The following POLD3 variants were observed in gnomAD, a reference collection of about 807,000 sequenced individuals.
The protein encoded by POLD3 is DNA polymerase delta subunit 3.
A neutral mutation model predicts 58.2 loss-of-function variants in POLD3; 19 were observed. That is an observed-to-expected ratio of 0.33 (90% CI 0.23 to 0.48). The LOEUF is 0.48. POLD3 is among the 20% of genes least tolerant of loss of function. The probability of loss-of-function intolerance (pLI) is 0.99; values close to 1 mark genes in which losing one functional copy is unlikely to be tolerated. For synonymous variants in POLD3, 172 were observed against 193.5 expected, an observed-to-expected ratio of 0.89 and a Z score of 0.92; for missense variants, 504 against 545.5, an observed-to-expected ratio of 0.92 and a Z score of 0.76.
intron 4 of POLD3, among the ~76,000 whole-genome samples, chr11:74,650,650 ACTGT>A (rs2033057372): frequency 6.6e-6 from 1 of 152,186 alleles, no homozygotes; most frequent in Non-Finnish European, 1.5e-5. Flanking sequence ...CCTCCTGAGC[ACTGT>A]CCCCTTGTGG....
chr11:74,650,993 C>T (rs748587152), intron 4 of POLD3, among the ~76,000 whole-genome samples: 4 of 152,160 alleles, frequency 2.6e-5, no homozygotes, highest in Non-Finnish European at 5.9e-5. Flanking sequence ...AAGAGCCCTG[C>T]ACTTGGACGC....
At chr11:74,655,643 A>C (rs994433150) in intron 4 of POLD3, among the ~76,000 whole-genome samples, 4 of 148,576 alleles carry the variant, frequency 2.7e-5, no homozygotes. Flanking sequence ...ACAAAATTCA[A>C]CACCTATATT....
intron 7 of POLD3, among the ~76,000 whole-genome samples, chr11:74,624,653 C>T (rs1041565876): frequency 6.6e-6 from 1 of 152,192 alleles, no homozygotes; most frequent in Admixed American, 6.5e-5. Flanking sequence ...TCTATAGTTC[C>T]TCAGATGGCT....
intron 2 of POLD3, among the ~76,000 whole-genome samples, chr11:74,594,559 T>A (rs900714626): frequency 3.3e-5 from 5 of 152,254 alleles, no homozygotes; most frequent in Non-Finnish European, 7.3e-5. Context: ...TTTCCATATT[T>A]TGACTGCTAT....
At chr11:74,609,364 A>ATTTTT (rs2031813407) in intron 3 of POLD3, among the ~76,000 whole-genome samples, 1 of 43,182 alleles carries the variant, frequency 2.3e-5, no homozygotes, top group African/African-American at 1.7e-4. Flanking sequence ...ATATATATAT[A>ATTTTT]TATATATATT....
At chr11:74,601,826 G>A (rs1298395268) in intron 2 of POLD3, among the ~76,000 whole-genome samples, 1 of 152,058 alleles carries the variant, frequency 6.6e-6, no homozygotes, top group East Asian at 1.9e-4. Flanking sequence ...GTTGGGGAAG[G>A]GTTCATACTT....
chr11:74,618,751 A>G lies in POLD3; in HGVS notation c.607A>G (p.Lys203Glu). ...AATGTTTGCCTCCAAAGCTGCTGCTAAAACCCAAGAAACCAACAAGGAAAC... is the reference window on the plus strand; with the variant it reads ...AATGTTTGCCTCCAAAGCTGCTGCTGAAACCCAAGAAACCAACAAGGAAAC... Reference protein sequence around the residue: ...MGMFASKAAAKTQETNKETKT... With the variant: ...MGMFASKAAAETQETNKETKT... Residue 203 changes from lysine (K) to glutamate (E), a missense_variant, in exon 6 of 12, where the codon AAA (lysine) becomes GAA (glutamate). Physicochemically the swap from Lys to Glu is moderately conservative, Grantham distance 56 (BLOSUM62 1). Coordinates refer to ENST00000263681, the MANE Select transcript of POLD3 (RefSeq NM_006591.3). 6.2e-7 allele frequency: 1 copy of G among 1,614,134 alleles called. No individual in the cohort carries two copies. Among genetic ancestry groups the G allele is most frequent in the East Asian group, 2.2e-5 (1 of 44,892 alleles).
rs1312890036 is a variant in POLD3, at chr11:74,642,148, A to C, written c.*1382A>C. The C allele has an allele frequency of 1.0e-6, 1 of 985,322 alleles. No individual in the cohort carries two copies. The highest frequency in any genetic ancestry group is 1.7e-5 in the African/African-American group (1 of 57,228). The allele number at this position is 985,322 out of a possible 1,614,324, so 61.0% of individuals were successfully genotyped here. On this transcript the variant is annotated 3_prime_UTR_variant, in exon 12 of 12. Transcript: ENST00000263681. ...GATGCAATCAGCTGTCTGCTTTTTA[A>C]GGTTGGGATTGTGCTGACTTTGGGA...
intron 4 of POLD3, among the ~76,000 whole-genome samples, chr11:74,656,747 T>G (rs1453145344): frequency 5.2e-4 from 3 of 5,782 alleles, no homozygotes; most frequent in African/African-American, 2.3e-3. Context: ...TTTCAGGGTT[T>G]TTTTTTTTTT....
At chr11:74,621,223 G>A (rs12226227) in intron 7 of POLD3, among the ~76,000 whole-genome samples, 1 of 152,146 alleles carries the variant, frequency 6.6e-6, no homozygotes, top group Non-Finnish European at 1.5e-5. Context: ...CAGCAAATGA[G>A]CAAGCGTTAT....
In POLD3 at chr11:74,640,928, A is replaced by G. The variant is rs2032897216; in HGVS notation, c.*162A>G. 2 of 1,265,000 alleles carry G rather than the reference A, an allele frequency of 1.6e-6. No homozygotes were observed. The highest frequency in any genetic ancestry group is 2.0e-6 in the Non-Finnish European group (2 of 1,006,740). 78.4% of individuals were successfully genotyped at this position (1,265,000 alleles called of 1,614,324 possible). On this transcript the variant is annotated 3_prime_UTR_variant, in exon 12 of 12. Transcript: ENST00000263681. ...TTTATACTATTTCTGGTTTTTAACC[A>G]AAAGGAAATCATCTGGAAGCAGGAG...
intron 1 of POLD3, 48 bp downstream of exon 1, chr11:74,592,766 G>T: frequency 1.2e-6 from 2 of 1,609,432 alleles, no homozygotes; most frequent in Non-Finnish European, 1.7e-6. Context: ...GGGGTCCTGG[G>T]CCCGGCTAGG....
intron 3 of POLD3, among the ~76,000 whole-genome samples, chr11:74,609,023 G>A (rs1406449740): frequency 1.3e-5 from 2 of 151,816 alleles, no homozygotes; most frequent in South Asian, 2.1e-4. Context: ...TGGTGGTTCC[G>A]AACATTAACA....
At position 74,641,561 on chromosome 11, in the gene POLD3, A is replaced by T. The variant is rs1238201514; in HGVS notation, c.*795A>T. On this transcript the variant is annotated 3_prime_UTR_variant, in exon 12 of 12. Transcript: ENST00000263681. ...GTGCTGCTGATACGGGGTGTGCTTT[A>T]TGCTGCTCTTTGCGGTTTGTTGATC... is the stretch of plus-strand genomic sequence containing the variant. 1 of 985,318 alleles carries T rather than the reference A, an allele frequency of 1.0e-6. No homozygotes were observed. The highest frequency in any genetic ancestry group is 1.7e-5 in the African/African-American group (1 of 57,218). 61.0% of individuals were successfully genotyped at this position (985,318 alleles called of 1,614,324 possible).
chr11:74,650,925 A>G (rs551378890), intron 4 of POLD3, among the ~76,000 whole-genome samples: 1 of 152,318 alleles, frequency 6.6e-6, no homozygotes, highest in African/African-American at 2.4e-5. Context: ...CAGCTGAGGG[A>G]GCCTCATAAA....
intron 4 of POLD3, among the ~76,000 whole-genome samples, chr11:74,612,153 G>T (rs1235254753): frequency 6.6e-6 from 1 of 152,150 alleles, no homozygotes; most frequent in Non-Finnish European, 1.5e-5. Context: ...AAAAATATGT[G>T]TATTTTAAAA....
Position 74,641,392 on chromosome 11 carries a change from T to G in POLD3, c.*626T>G, listed in dbSNP as rs931605846. On this transcript the variant is annotated 3_prime_UTR_variant, in exon 12 of 12. Coordinates refer to ENST00000263681, the MANE Select transcript of POLD3 (RefSeq NM_006591.3). ...CAGGACGTGGCTTGTGTTCTGTTCC[T>G]TTCACAAAAGCTCTCTGGGACCTTC... 1.0e-6 allele frequency: 1 copy of G among 985,440 alleles called. No homozygotes were observed. 61.0% of individuals were successfully genotyped at this position (985,440 alleles called of 1,614,324 possible).
intron 4 of POLD3, among the ~76,000 whole-genome samples, chr11:74,649,871 T>TA (rs910638492): frequency 3.3e-5 from 5 of 152,094 alleles, no homozygotes; most frequent in African/African-American, 1.2e-4. Flanking sequence ...GAGAGATACT[T>TA]ACATTTTGGA....
chr11:74,662,983 C>G (rs369715595), intron 4 of POLD3, among the ~76,000 whole-genome samples: 25 of 152,292 alleles, frequency 1.6e-4, no homozygotes. Context: ...TCTCCCTCCC[C>G]CAACCACACA....
Sources: allele counts gnomAD v4.1 joint callset (sites outside exome capture counted in the v4.1 genomes callset), GRCh38; gene constraint gnomAD v4.1.1; transcripts MANE v1.5; gene names NCBI Gene and HGNC (gene_info 2026-07-23, HGNC 2026-07-21).